UPRT: variants seen among roughly 807,000 people sequenced by gnomAD.
UPRT encodes uracil phosphoribosyltransferase homolog, also known as RP11-311P8.3.
UPRT carries 5 observed loss-of-function variants against 22.6 expected under a neutral mutation model. The ratio of observed to expected loss-of-function variants is 0.22; its 90% CI spans 0.12 to 0.47. UPRT has a LOEUF of 0.47. Among genes scored for constraint, UPRT ranks in the 20% least tolerant of loss-of-function variants. UPRT has a pLI of 0.99. For synonymous variants in UPRT, 77 were observed against 87.7 expected (o/e 0.88, Z 0.68); for missense variants, 181 against 239.9 (o/e 0.75, Z 1.62).
chrX:75,297,234 G>A (rs1286378627), intron 3 of UPRT, among the ~76,000 whole-genome samples: 4 of 111,562 alleles, frequency 3.6e-5, no homozygotes, highest in South Asian at 3.8e-4. Context: ...TGTGAATATC[G>A]TGTTATAATA....
intron 4 of UPRT, among the ~76,000 whole-genome samples, chrX:75,199,743 A>T (rs1255400337): frequency 1.8e-5 from 2 of 111,700 alleles, no homozygotes; most frequent in African/African-American, 6.5e-5. Flanking sequence ...CTTTAAAAAA[A>T]ATTTTTTTTT....
chrX:75,269,750 T>G (rs1198152616), upstream of UPRT, among the ~76,000 whole-genome samples: 3 of 111,606 alleles, frequency 2.7e-5, no homozygotes, highest in African/African-American at 9.8e-5. Context: ...ATACAAAAAG[T>G]AACTCAAGAT....
chrX:75,156,412 C>T, exon 1 of UPRT: 1 of 666,528 alleles, frequency 1.5e-6, no homozygotes, highest in Non-Finnish European at 2.3e-6. Context: ...GATTCGGATG[C>T]ATTCGCACAG....
chrX:75,257,509 T>C (rs762290310), intron 4 of UPRT, among the ~76,000 whole-genome samples: 1 of 111,306 alleles, frequency 9.0e-6, no homozygotes, highest in South Asian at 3.8e-4. Flanking sequence ...GTACTAAAAG[T>C]CCTAGCCAGA....
chrX:75,286,778 G>A (rs1310157737), intron 1 of UPRT, among the ~76,000 whole-genome samples: 2 of 111,648 alleles, frequency 1.8e-5, no homozygotes, highest in African/African-American at 6.5e-5. Flanking sequence ...TCCCTTATTA[G>A]GGCAAAATAT....
At chrX:75,211,576 G>A (rs2082380349) in intron 4 of UPRT, among the ~76,000 whole-genome samples, 1 of 111,510 alleles carries the variant, frequency 9.0e-6, no homozygotes, top group African/African-American at 3.3e-5. Context: ...AAAAGAGGAT[G>A]GAGAGTTTGA....
rs1160865087 is a variant in UPRT at position 75,171,443 on chromosome X, GCTAT to G, written c.-447+3569_-447+3572del. 3.6e-5 allele frequency among the ~76,000 whole-genome samples: 4 copies of G among 110,464 alleles called. No individual in the cohort carries two copies. The South Asian group carries it at 1.2e-3, about 32-fold the overall frequency. On this transcript the variant is annotated intron_variant, in intron 4 of 13. Coordinates refer to the UPRT transcript ENST00000652605. ...GAAGTTGTGATTGTTTTTTATTTAC[GCTAT>G]CTATTTCACTGAATATTTCTCCCCT...
At chrX:75,230,442 TCTA>T (rs1386961054) in intron 4 of UPRT, among the ~76,000 whole-genome samples, 1 of 111,661 alleles carries the variant, frequency 9.0e-6, no homozygotes, top group Non-Finnish European at 1.9e-5. Context: ...ATATCCCCCT[TCTA>T]CTACTGCAGC....
At chrX:75,171,045 T>C (rs1033001606) in intron 4 of UPRT, among the ~76,000 whole-genome samples, 5 of 111,543 alleles carry the variant, frequency 4.5e-5, no homozygotes, top group African/African-American at 1.6e-4. Flanking sequence ...GATGATGATG[T>C]ACCTAGACAA....
chrX:75,222,401 AGGCTT>A (rs765640489), intron 4 of UPRT, among the ~76,000 whole-genome samples: 4 of 111,712 alleles, frequency 3.6e-5, no homozygotes, highest in Non-Finnish European at 7.5e-5. Flanking sequence ...AAAGCCAGCC[AGGCTT>A]CTGTTCTTCC....
rs141957652 is a variant in UPRT at position 75,238,484 on chromosome X, A to G, written c.-446-52540A>G. 3.5e-3 allele frequency among the ~76,000 whole-genome samples: 396 copies of G among 111,892 alleles called. 4 individuals carry two copies. The highest frequency in any genetic ancestry group is 0.012 in the African/African-American group (374 of 30,902). ...ACTGGAGCTTCCAAATTTATAAAATATTTACTACCAGACCTAAGAAATGAA... is the reference window on the plus strand; with the variant it reads ...ACTGGAGCTTCCAAATTTATAAAATGTTTACTACCAGACCTAAGAAATGAA... On this transcript the variant is annotated intron_variant, in intron 4 of 13. Transcript: ENST00000652605.
At chrX:75,226,994 T>G (rs2082425422) in intron 4 of UPRT, among the ~76,000 whole-genome samples, 1 of 110,895 alleles carries the variant, frequency 9.0e-6, no homozygotes, top group African/African-American at 3.3e-5. Flanking sequence ...AACAGAAGGC[T>G]TAAGACCTCT....
chrX:75,204,461 A>G (rs2082357614), intron 4 of UPRT, among the ~76,000 whole-genome samples: 1 of 112,558 alleles, frequency 8.9e-6, no homozygotes, highest in African/African-American at 3.2e-5. Context: ...TTGACAGGCA[A>G]GAGTTGTAAG....
At chrX:75,266,433 A>T (rs1388091235) in intron 4 of UPRT, among the ~76,000 whole-genome samples, 1 of 111,921 alleles carries the variant, frequency 8.9e-6, no homozygotes, top group East Asian at 2.8e-4. Context: ...TTATAATAAA[A>T]TTAATTCGAG....
chrX:75,259,879 G>A (rs2082562110), intron 4 of UPRT, among the ~76,000 whole-genome samples: 1 of 111,795 alleles, frequency 8.9e-6, no homozygotes, highest in Non-Finnish European at 1.9e-5. Flanking sequence ...CCCACAAAGG[G>A]GAAGCCCATC....
At chrX:75,275,547 T>C (rs775731972) in intron 1 of UPRT, among the ~76,000 whole-genome samples, 6 of 111,415 alleles carry the variant, frequency 5.4e-5, no homozygotes, top group Non-Finnish European at 1.1e-4. Flanking sequence ...TACACTATTG[T>C]AATAATACTG....
chrX:75,284,701 CA>C (rs767928139), intron 1 of UPRT, among the ~76,000 whole-genome samples: 1,491 of 111,157 alleles, frequency 0.013, 9 homozygotes, highest in Non-Finnish European at 0.021. Flanking sequence ...GTGGAGGTGG[CA>C]GGGGGGGGTG....
Position 75,238,234 on chromosome X carries a change from A to T in UPRT, c.-446-52790A>T, listed in dbSNP as rs747552334. On this transcript the variant is annotated intron_variant, in intron 4 of 13. Coordinates refer to the UPRT transcript ENST00000652605. ...ACCAAGTACCTGCTGTCTTCAACAG[A>T]CTCACCTATCACATAAGGACTCACA... Among the ~76,000 whole-genome samples the T allele has an allele frequency of 3.6e-5, 4 of 111,222 alleles. No homozygotes were observed. In the East Asian group the frequency reaches 1.1e-3, roughly 32 times the overall value.
intron 4 of UPRT, among the ~76,000 whole-genome samples, chrX:75,257,959 G>C (rs780036455): frequency 9.0e-6 from 1 of 110,608 alleles, no homozygotes; most frequent in Non-Finnish European, 1.9e-5. Context: ...AGGGTGAGGC[G>C]TCACCTCACC....
Sources: allele counts gnomAD v4.1 joint callset (sites outside exome capture counted in the v4.1 genomes callset), GRCh38; gene constraint gnomAD v4.1.1; transcripts MANE v1.5; gene names NCBI Gene and HGNC (gene_info 2026-07-23, HGNC 2026-07-21).